Variants in SORL1 observed in about 807,000 individuals in gnomAD.
SORL1 encodes sortilin-related receptor.
In SORL1, 127 loss-of-function variants were observed where a neutral mutation model predicts 273.7. That is an observed-to-expected ratio of 0.46 (90% CI 0.40 to 0.54). The LOEUF is 0.54. SORL1 is among the 20% of genes least tolerant of loss of function. The pLI is 0.00. For synonymous variants in SORL1, 1,031 were observed against 1,067.4 expected, an observed-to-expected ratio of 0.97 and a Z score of 0.66; for missense variants, 2,494 against 2,846.1, an observed-to-expected ratio of 0.88 and a Z score of 2.81.
At chr11:121,574,937 C>T (rs1198285709) in intron 24 of SORL1, among the ~76,000 whole-genome samples, 3 of 152,072 alleles carry the variant, frequency 2.0e-5, no homozygotes, top group East Asian at 1.9e-4. Context: ...AAATCTGCAC[C>T]TCTGTGAACT....
In SORL1 at chr11:121,627,859, C is replaced by G; in HGVS notation, c.6577+92C>G. On this transcript the variant is annotated intron_variant, in intron 47 of 47. Coordinates refer to ENST00000260197, the MANE Select transcript of SORL1 (RefSeq NM_003105.6). This position sits in a 1 kb window ranked among gnomAD's most constrained non-coding sequence, Gnocchi z 4.9. ...TAGGAAACACCCACCTTCAGCTCCT[C>G]TTTTGACCCTGGAGGAGCTCTTCAT... 2 of 843,330 alleles carry G rather than the reference C, an allele frequency of 2.4e-6. No homozygotes were observed. Among genetic ancestry groups the G allele is most frequent in the Non-Finnish European group, 3.7e-6 (2 of 543,474 alleles). 52.2% of individuals were successfully genotyped at this position (843,330 alleles called of 1,614,324 possible).
intron 1 of SORL1, among the ~76,000 whole-genome samples, chr11:121,461,673 T>C (rs902081967): frequency 6.6e-6 from 1 of 152,080 alleles, no homozygotes; most frequent in African/African-American, 2.4e-5. Flanking sequence ...GACCTGGAGG[T>C]TGGGTTTCCC....
chr11:121,607,775 T>C (rs1863500570), intron 37 of SORL1, among the ~76,000 whole-genome samples: 1 of 152,214 alleles, frequency 6.6e-6, no homozygotes, highest in Admixed American at 6.5e-5. Flanking sequence ...ACACTGATAA[T>C]TTTGTCAGTA....
intron 1 of SORL1, among the ~76,000 whole-genome samples, chr11:121,469,400 G>A (rs1249319388): frequency 6.6e-6 from 1 of 152,138 alleles, no homozygotes; most frequent in African/African-American, 2.4e-5. Flanking sequence ...TCCTCTGTTG[G>A]CCTTCCTCAT....
intron 12 of SORL1, among the ~76,000 whole-genome samples, chr11:121,541,489 C>CGTG (rs1224694665): frequency 5.9e-5 from 9 of 152,200 alleles, no homozygotes; most frequent in Non-Finnish European, 1.0e-4. Flanking sequence ...GGATTACAGG[C>CGTG]ATGTGCCACC....
chr11:121,558,128 A>G (rs1591326343), intron 19 of SORL1, among the ~76,000 whole-genome samples: 2 of 152,236 alleles, frequency 1.3e-5, no homozygotes, highest in East Asian at 3.8e-4. Context: ...TTACTTATGT[A>G]CAAGTATTAT....
chr11:121,514,087 T>C, intron 7 of SORL1, 65 bp from the exon 8 acceptor site: 1 of 1,522,738 alleles, frequency 6.6e-7, no homozygotes, highest in Non-Finnish European at 9.0e-7. Context: ...CTTCCGTGTG[T>C]ATAGTAAAAG....
intron 14 of SORL1, among the ~76,000 whole-genome samples, chr11:121,548,570 G>GT (rs1378855283): frequency 4.6e-5 from 7 of 152,202 alleles, no homozygotes; most frequent in Admixed American, 3.3e-4. Flanking sequence ...TTTTCTTTTT[G>GT]TTTTTTGTTT....
At chr11:121,464,323 T>C (rs938248397) in intron 1 of SORL1, among the ~76,000 whole-genome samples, 4 of 152,164 alleles carry the variant, frequency 2.6e-5, no homozygotes, top group African/African-American at 9.7e-5. Context: ...GGTGGTTTTA[T>C]TGGAAACTTC....
At chr11:121,589,167 C>T (rs1863168392) in intron 28 of SORL1, 92 bp from the exon 29 acceptor site, 1 of 1,443,336 alleles carries the variant, frequency 6.9e-7, no homozygotes, top group South Asian at 1.2e-5. Context: ...CCAGAACTCA[C>T]TGCTGTTCCC....
At chr11:121,597,825 C>A (rs971372429) in intron 32 of SORL1, among the ~76,000 whole-genome samples, 2 of 152,152 alleles carry the variant, frequency 1.3e-5, no homozygotes, top group Non-Finnish European at 2.9e-5. Flanking sequence ...GTGGTGTAGG[C>A]AGTAGCAGAA....
chr11:121,624,878 G>GT (rs1863771869), intron 45 of SORL1, among the ~76,000 whole-genome samples: 1 of 152,128 alleles, frequency 6.6e-6, no homozygotes, highest in Non-Finnish European at 1.5e-5. Flanking sequence ...TGGTGTGGCA[G>GT]TTATTTGAGA....
chr11:121,618,944 G>A, intron 42 of SORL1, 51 bp downstream of exon 42: 1 of 1,609,072 alleles, frequency 6.2e-7, no homozygotes, highest in African/African-American at 1.3e-5. Context: ...TAAGTCCTGG[G>A]CTCTGGTCTC....
chr11:121,556,859 G>A (rs73595249), intron 18 of SORL1, among the ~76,000 whole-genome samples: 17,406 of 152,194 alleles, frequency 0.11, 1,288 homozygotes, highest in African/African-American at 0.21. Context: ...CCTGGCTGAC[G>A]GGAAGGAGCA....
chr11:121,614,110 T>G (rs971796489), intron 40 of SORL1, among the ~76,000 whole-genome samples: 1 of 152,236 alleles, frequency 6.6e-6, no homozygotes, highest in Non-Finnish European at 1.5e-5. Flanking sequence ...AACCTCCCCC[T>G]TCTCACTTTT....
rs1002072564 is a variant in SORL1, at chr11:121,518,593, G to A, written c.1212-2064G>A. On this transcript the variant is annotated intron_variant, in intron 8 of 47. Coordinates refer to ENST00000260197, the MANE Select transcript of SORL1 (RefSeq NM_003105.6). Reference sequence around the variant, plus strand: ...TAACCCTCAGAGAGGTAGAGCAGAGGTCAGCAGAGAAGGAGGAATCGAGAC... The same window carrying A: ...TAACCCTCAGAGAGGTAGAGCAGAGATCAGCAGAGAAGGAGGAATCGAGAC... Among the ~76,000 whole-genome samples, 3 of 152,302 alleles carry A rather than the reference G, an allele frequency of 2.0e-5. 1 individual carries two copies. The South Asian group carries it at 6.2e-4, about 32-fold the overall frequency.
intron 17 of SORL1, 162 bp from the exon 18 acceptor site, chr11:121,555,025 C>A: frequency 2.9e-6 from 2 of 681,486 alleles, no homozygotes; most frequent in Non-Finnish European, 4.7e-6. Flanking sequence ...GAAATGCTTT[C>A]ATGAAAACCT....
chr11:121,627,816 C>G lies in SORL1; in HGVS notation c.6577+49C>G, dbSNP rs1565360058. ...TTCTTCCTCCCAGGGCTGACCCCCA[C>G]GCAGCCAATGACTTGATTAGGAAAC... On this transcript the variant is annotated intron_variant, in intron 47 of 47. Transcript: ENST00000260197. This position sits in a 1 kb window ranked among gnomAD's most constrained non-coding sequence, Gnocchi z 4.9. 7.3e-7 allele frequency: 1 copy of G among 1,377,906 alleles called. No homozygotes were observed. The highest frequency in any genetic ancestry group is 1.0e-6 in the Non-Finnish European group (1 of 985,442). 85.4% of individuals were successfully genotyped at this position (1,377,906 alleles called of 1,614,324 possible). A position where few individuals can be genotyped will look rare whatever the true frequency, so the allele number is the denominator to read the frequency against.
chr11:121,532,376 C>G, intron 11 of SORL1, 88 bp from the exon 12 acceptor site: 2 of 1,156,302 alleles, frequency 1.7e-6, no homozygotes, highest in Non-Finnish European at 2.6e-6. Context: ...TCTATGTGCA[C>G]GTGTGTGCAT....
Sources: allele counts gnomAD v4.1 joint callset (sites outside exome capture counted in the v4.1 genomes callset), GRCh38; gene constraint gnomAD v4.1.1; non-coding constraint Gnocchi (gnomAD v3.1); transcripts MANE v1.5; gene names NCBI Gene and HGNC (gene_info 2026-07-23, HGNC 2026-07-21).